FAM168B: variants seen among roughly 807,000 people sequenced by gnomAD.
FAM168B encodes family with sequence similarity 168 member B.
Under a neutral mutation model 21.8 loss-of-function variants are expected in FAM168B, and 19 were observed. That is an observed-to-expected ratio of 0.87 (90% CI 0.61 to 1.28). The LOEUF is 1.28. FAM168B is among the 50% of genes most tolerant of loss of function. The pLI, the probability that FAM168B is intolerant of heterozygous loss-of-function variation, is 0.00. For synonymous variants in FAM168B, 126 were observed against 104.8 expected (o/e 1.20, Z -1.24); for missense variants, 233 against 263.1 (o/e 0.89, Z 0.79).
In FAM168B at chr2:131,048,637, C is replaced by T; in HGVS notation, c.*3828G>A. ...GTTGAGCCCCTGGAGCCCTCAGGAC[C>T]TACTGATAAAGCATGTCCTCTGCAG... On this transcript the variant is annotated 3_prime_UTR_variant, in exon 7 of 7. Transcript: ENST00000389915. The T allele has an allele frequency of 2.9e-6, 3 of 1,049,454 alleles. No homozygotes were observed. Among genetic ancestry groups the T allele is most frequent in the Non-Finnish European group, 3.5e-6 (3 of 866,610 alleles). 65.0% of individuals were successfully genotyped at this position (1,049,454 alleles called of 1,614,324 possible). A position where few individuals can be genotyped will look rare whatever the true frequency, so the allele number is the denominator to read the frequency against.
At chr2:131,086,600 A>T (rs943306569) in intron 1 of FAM168B, among the ~76,000 whole-genome samples, 6 of 152,194 alleles carry the variant, frequency 3.9e-5, no homozygotes, top group Admixed American at 2.0e-4. Flanking sequence ...CTATCTCAAA[A>T]ACAAAGATGA....
At chr2:131,082,952 G>T (rs1693494167) in intron 1 of FAM168B, among the ~76,000 whole-genome samples, 1 of 152,160 alleles carries the variant, frequency 6.6e-6, no homozygotes. Context: ...CAGGTACGGT[G>T]GTGCACTCCT....
intron 3 of FAM168B, among the ~76,000 whole-genome samples, chr2:131,056,684 C>A (rs1276325776): frequency 1.3e-5 from 2 of 152,176 alleles, no homozygotes; most frequent in Non-Finnish European, 2.9e-5. Flanking sequence ...CAGATGCCCA[C>A]CAGGAGACAA....
chr2:131,055,539 G>C lies in FAM168B; in HGVS notation c.297+14C>G. ...ATCACCCCTTCCCACACAGCAGTGTGTACCCAAGCATACCTGTGCATACGG... is the reference window on the plus strand; with the variant it reads ...ATCACCCCTTCCCACACAGCAGTGTCTACCCAAGCATACCTGTGCATACGG... On this transcript the variant is annotated intron_variant, in intron 4 of 6. Coordinates refer to ENST00000389915, the MANE Select transcript of FAM168B (RefSeq NM_001009993.4). 6.2e-7 allele frequency: 1 copy of C among 1,603,216 alleles called. No homozygotes were observed. Among genetic ancestry groups the C allele is most frequent in the African/African-American group, 1.3e-5 (1 of 74,406 alleles).
chr2:131,048,320 T>C lies in FAM168B; in HGVS notation c.*4145A>G, dbSNP rs1691417463. Reference sequence around the variant, plus strand: ...GGCCCAGCTGCCTTGCCCACTGGTCTGCACAGGGACTCATGGGCACAGCCT... The same window carrying C: ...GGCCCAGCTGCCTTGCCCACTGGTCCGCACAGGGACTCATGGGCACAGCCT... On this transcript the variant is annotated 3_prime_UTR_variant, in exon 7 of 7. Transcript: ENST00000389915. 1 of 1,304,062 alleles carries C rather than the reference T, an allele frequency of 7.7e-7. No homozygotes were observed. Among genetic ancestry groups the C allele is most frequent in the Non-Finnish European group, 1.0e-6 (1 of 988,910 alleles). The allele number at this position is 1,304,062 out of a possible 1,614,324, so 80.8% of individuals were successfully genotyped here.
chr2:131,077,944 C>T (rs969271144), intron 2 of FAM168B, among the ~76,000 whole-genome samples: 1 of 152,138 alleles, frequency 6.6e-6, no homozygotes, highest in African/African-American at 2.4e-5. Flanking sequence ...TTATGGAAAC[C>T]CTGCGCTCCA....
rs971441957 is a variant in FAM168B, at chr2:131,049,010, G to A, written c.*3455C>T. On this transcript the variant is annotated 3_prime_UTR_variant, in exon 7 of 7. Coordinates refer to ENST00000389915, the MANE Select transcript of FAM168B (RefSeq NM_001009993.4). ...TTTAAAAAGGACAGGTGAAGTCTGG[G>A]TCTCCTTTTTTAAAGCAGACACCAA... 1 of 985,380 alleles carries A rather than the reference G, an allele frequency of 1.0e-6. No homozygotes were observed. The highest frequency in any genetic ancestry group is 1.2e-6 in the Non-Finnish European group (1 of 829,934). 61.0% of individuals were successfully genotyped at this position (985,380 alleles called of 1,614,324 possible).
At chr2:131,092,083 GC>G (rs1694061983) in intron 1 of FAM168B, among the ~76,000 whole-genome samples, 1 of 151,550 alleles carries the variant, frequency 6.6e-6, no homozygotes, top group Non-Finnish European at 1.5e-5. Context: ...GGCGGAGCTT[GC>G]AGTGAGCCGA....
In FAM168B at chr2:131,084,592, G is replaced by A. The variant is rs181548854; in HGVS notation, c.-11-1935C>T. On this transcript the variant is annotated intron_variant, in intron 1 of 6. Coordinates refer to ENST00000389915, the MANE Select transcript of FAM168B (RefSeq NM_001009993.4). ...CAGCACCTCTATGAATCCATTCAAT[G>A]TTTTATCATCCATGGATCTTTCTTT... 1.1e-3 allele frequency among the ~76,000 whole-genome samples: 161 copies of A among 152,120 alleles called. 1 individual carries two copies. Among genetic ancestry groups the A allele is most frequent in the African/African-American group, 3.6e-3 (149 of 41,506 alleles).
chr2:131,069,603 C>T (rs1431647164), intron 3 of FAM168B, among the ~76,000 whole-genome samples: 1 of 151,912 alleles, frequency 6.6e-6, no homozygotes, highest in Non-Finnish European at 1.5e-5. Flanking sequence ...TGGCCATTCT[C>T]CTGCCTCAGC....
At chr2:131,088,831 A>G (rs188934606) in intron 1 of FAM168B, among the ~76,000 whole-genome samples, 2 of 152,344 alleles carry the variant, frequency 1.3e-5, no homozygotes, top group East Asian at 3.9e-4. Flanking sequence ...ATGCAAAACT[A>G]AAGAAAAAAC....
chr2:131,080,478 C>T (rs1450547574), intron 2 of FAM168B, among the ~76,000 whole-genome samples: 4 of 151,100 alleles, frequency 2.6e-5, no homozygotes, highest in African/African-American at 9.7e-5. Flanking sequence ...ATTAGCTGGG[C>T]ATGGTGGCAT....
Position 131,051,082 on chromosome 2 carries a change from C to T in FAM168B, c.*1383G>A, listed in dbSNP as rs6746772. ...TCCCACAATAAACCCTGCCAGCAAA[C>T]GCACTCCAGCACTGCCTGGCCCTCT... is the stretch of plus-strand genomic sequence containing the variant. On this transcript the variant is annotated 3_prime_UTR_variant, in exon 7 of 7. Transcript: ENST00000389915. The T allele has an allele frequency of 6.2e-3, 6,139 of 985,390 alleles. 305 individuals carry two copies. In the African/African-American group the frequency reaches 0.097, roughly 16 times the overall value. 61.0% of individuals were successfully genotyped at this position (985,390 alleles called of 1,614,324 possible). A position where few individuals can be genotyped will look rare whatever the true frequency, so the allele number is the denominator to read the frequency against.
chr2:131,057,806 G>C (rs972062659), intron 3 of FAM168B, among the ~76,000 whole-genome samples: 8 of 152,062 alleles, frequency 5.3e-5, no homozygotes, highest in Non-Finnish European at 1.0e-4. Flanking sequence ...TGGGCTGTTA[G>C]CAATATGTAC....
intron 1 of FAM168B, among the ~76,000 whole-genome samples, chr2:131,090,241 C>A (rs1693939774): frequency 6.7e-6 from 1 of 149,466 alleles, no homozygotes; most frequent in Non-Finnish European, 1.5e-5. Context: ...ATGGCGTGAA[C>A]CCAGGAGGCT....
chr2:131,078,386 C>T (rs567893907), intron 2 of FAM168B, among the ~76,000 whole-genome samples: 4 of 152,116 alleles, frequency 2.6e-5, no homozygotes, highest in African/African-American at 9.6e-5. Flanking sequence ...TGTATTAAAG[C>T]TCATGGAGAA....
intron 3 of FAM168B, among the ~76,000 whole-genome samples, chr2:131,064,807 G>A (rs1261053857): frequency 6.6e-6 from 1 of 152,128 alleles, no homozygotes; most frequent in African/African-American, 2.4e-5. Flanking sequence ...CCAGATAAGA[G>A]AGAGGAAGGG....
At position 131,049,520 on chromosome 2, in the gene FAM168B, A is replaced by G. The variant is rs866622444; in HGVS notation, c.*2945T>C. On this transcript the variant is annotated 3_prime_UTR_variant, in exon 7 of 7. Transcript: ENST00000389915. Reference sequence around the variant, plus strand: ...CTGGCCCTCACAGAGCGGCAAGTTCATGGGTCACTGGCTCACACTAAATGC... The same window carrying G: ...CTGGCCCTCACAGAGCGGCAAGTTCGTGGGTCACTGGCTCACACTAAATGC... 8.8e-5 allele frequency: 87 copies of G among 985,440 alleles called. No homozygotes were observed. The Middle Eastern group carries it at 3.1e-3, about 36-fold the overall frequency. 61.0% of individuals were successfully genotyped at this position (985,440 alleles called of 1,614,324 possible).
At position 131,082,624 on chromosome 2, in the gene FAM168B, CCAGGACTATAAA is replaced by C; in HGVS notation, c.11_22del (p.Val4_Pro7del). 1 of 1,609,574 alleles carries C rather than the reference CCAGGACTATAAA, an allele frequency of 6.2e-7. No homozygotes were observed. The highest frequency in any genetic ancestry group is 8.5e-7 in the Non-Finnish European group (1 of 1,178,302). The stretch of plus-strand genomic sequence containing the variant: ...ATTTGCATAGGGAACCCCAGAAGAT[CCAGGACTATAAA>C]CAGGATTCATGATTTCAAAAACTAA... On this transcript the variant is annotated inframe_deletion, in exon 2 of 7. Coordinates refer to ENST00000389915, the MANE Select transcript of FAM168B (RefSeq NM_001009993.4).
Sources: gnomAD v4.1 joint callset for allele counts (sites outside exome capture counted in the v4.1 genomes callset) on GRCh38, gnomAD v4.1.1 for gene constraint, MANE v1.5 for transcripts, NCBI Gene and HGNC (gene_info 2026-07-23, HGNC 2026-07-21) for gene names.